The following LRRN3 variants were observed in gnomAD, a reference collection of about 807,000 sequenced individuals.
LRRN3 encodes the protein leucine rich repeat neuronal 3.
LRRN3 carries 15 observed loss-of-function variants against 40.1 expected under a neutral mutation model. The ratio of observed to expected loss-of-function variants is 0.37; its 90% CI spans 0.25 to 0.58. The LOEUF (loss-of-function observed/expected upper bound fraction) is 0.58. Ranked by LOEUF, LRRN3 falls within the 20% of genes least tolerant of loss-of-function variation. The pLI is 0.72. For missense variants in LRRN3, 746 were observed against 837.7 expected (o/e 0.89, Z 1.35); for synonymous variants, 308 against 297.2 (o/e 1.04, Z -0.37).
At chr7:111,113,386 C>T (rs764492285) in intron 2 of LRRN3, among the ~76,000 whole-genome samples, 7 of 149,154 alleles carry the variant, frequency 4.7e-5, no homozygotes, top group Middle Eastern at 3.4e-3. Context: ...ATAGAATAGT[C>T]TTTTTTTTTT....
At chr7:111,110,949 A>C (rs1799122448) in intron 2 of LRRN3, among the ~76,000 whole-genome samples, 1 of 152,182 alleles carries the variant, frequency 6.6e-6, no homozygotes, top group South Asian at 2.1e-4. Context: ...TATCCATAAA[A>C]ATGTATTAAA....
intron 2 of LRRN3, among the ~76,000 whole-genome samples, chr7:111,117,737 A>G (rs193170496): frequency 3.3e-5 from 5 of 152,234 alleles, no homozygotes; most frequent in Non-Finnish European, 7.4e-5. Flanking sequence ...AATAGAATTT[A>G]AGTTCTTTAT....
chr7:111,108,963 C>T (rs567692723), intron 2 of LRRN3, among the ~76,000 whole-genome samples: 14 of 152,038 alleles, frequency 9.2e-5, no homozygotes, highest in Non-Finnish European at 1.2e-4. Flanking sequence ...CTGAATAAAA[C>T]GGAAACAACT....
chr7:111,124,390 T>A lies in LRRN3; in HGVS notation c.1618T>A (p.Ser540Thr), dbSNP rs1801032926. Residue 540 changes from serine (S) to threonine (T), a missense_variant, in exon 3 of 3, where the codon TCC becomes ACC. Coordinates refer to ENST00000308478, the MANE Select transcript of LRRN3 (RefSeq NM_001099658.2). Reference protein sequence around the residue: ...RDIQANSVLVSWKASSKILKS... With the variant: ...RDIQANSVLVTWKASSKILKS... The stretch of plus-strand genomic sequence containing the variant: ...TATTCAGGCCAATTCAGTTTTGGTG[T>A]CCTGGAAAGCAAGTTCTAAAATTCT... The A allele has an allele frequency of 6.2e-7, 1 of 1,613,710 alleles. No homozygotes were observed. The highest frequency in any genetic ancestry group is 1.3e-5 in the African/African-American group (1 of 74,932).
At position 111,124,116 on chromosome 7, in the gene LRRN3, A is replaced by G. The variant is rs1800993443; in HGVS notation, c.1344A>G (p.Ala448=). The G allele has an allele frequency of 1.2e-6, 2 of 1,613,982 alleles. No homozygotes were observed. The highest frequency in any genetic ancestry group is 2.2e-5 in the East Asian group (1 of 44,888). The change falls in exon 3 of 3, where the codon GCA becomes GCG. Residue 448 remains alanine, a synonymous_variant. Transcript: ENST00000308478. ...SYVSFHCRAT[A]EPQPEIYWIT... ...TTTCCTTTCACTGTAGAGCTACTGC[A>G]GAACCACAGCCTGAAATCTACTGGA... is the stretch of plus-strand genomic sequence containing the variant.
chr7:111,124,464 T>G lies in LRRN3; in HGVS notation c.1692T>G (p.His564Gln). ...CCTTTGTCAAGACTGAAAATTCTCA[T>G]GCTGCGCAAAGTGCTCGAATACCAT... ...WTAFVKTENS[H>Q]AAQSARIPSD... The change falls in exon 3 of 3, where the codon CAT becomes CAG. Residue 564 changes from histidine to glutamine, a missense_variant. Physicochemically the swap from His to Gln is conservative, Grantham distance 24 (BLOSUM62 0). Coordinates refer to ENST00000308478, the MANE Select transcript of LRRN3 (RefSeq NM_001099658.2). The G allele has an allele frequency of 1.2e-6, 2 of 1,613,972 alleles. No homozygotes were observed. The highest frequency in any genetic ancestry group is 1.7e-6 in the Non-Finnish European group (2 of 1,179,994).
At chr7:111,113,879 A>G (rs1799531633) in intron 2 of LRRN3, among the ~76,000 whole-genome samples, 2 of 152,178 alleles carry the variant, frequency 1.3e-5, no homozygotes, top group Non-Finnish European at 2.9e-5. Context: ...AACTGGAACT[A>G]AATCATAAGA....
chr7:111,104,503 A>G (rs117377967), intron 2 of LRRN3, among the ~76,000 whole-genome samples: 1 of 151,962 alleles, frequency 6.6e-6, no homozygotes, highest in East Asian at 1.9e-4. Flanking sequence ...TGAAGCTGAT[A>G]TCAATTTTTT....
chr7:111,117,768 AT>A (rs1215436171), intron 2 of LRRN3, among the ~76,000 whole-genome samples: 2 of 152,028 alleles, frequency 1.3e-5, no homozygotes, highest in Non-Finnish European at 2.9e-5. Flanking sequence ...TTAGCCAGCA[AT>A]TTGCTATAGA....
chr7:111,094,918 A>G (rs1037294823), intron 1 of LRRN3, among the ~76,000 whole-genome samples: 3 of 152,086 alleles, frequency 2.0e-5, no homozygotes, highest in African/African-American at 4.8e-5. Flanking sequence ...AATAGATGCT[A>G]TTTAGAGGTC....
In LRRN3 at chr7:111,124,146, A is replaced by C. The variant is rs1365442930; in HGVS notation, c.1374A>C (p.Thr458=). Residue 458 remains threonine (T), a synonymous_variant, in exon 3 of 3, where the codon ACA becomes ACC. Coordinates refer to ENST00000308478, the MANE Select transcript of LRRN3 (RefSeq NM_001099658.2). ...CACAGCCTGAAATCTACTGGATAAC[A>C]CCTTCTGGTCAAAAACTCTTGCCTA... ...AEPQPEIYWI[T]PSGQKLLPNT... 3.1e-6 allele frequency: 5 copies of C among 1,613,828 alleles called. No homozygotes were observed. In the Admixed American group the frequency reaches 8.3e-5, roughly 27 times the overall value.
chr7:111,118,754 A>G (rs1269186893), intron 2 of LRRN3, among the ~76,000 whole-genome samples: 1 of 152,128 alleles, frequency 6.6e-6, no homozygotes, highest in Admixed American at 6.6e-5. Flanking sequence ...CACAGACTTA[A>G]GAAAAAGTCA....
intron 2 of LRRN3, among the ~76,000 whole-genome samples, chr7:111,101,091 C>T (rs1427909242): frequency 6.6e-6 from 1 of 151,518 alleles, no homozygotes; most frequent in African/African-American, 2.4e-5. Context: ...ATCGAATTCT[C>T]AACCCCATTT....
chr7:111,116,303 GC>G (rs1390005978), intron 2 of LRRN3, among the ~76,000 whole-genome samples: 1 of 151,974 alleles, frequency 6.6e-6, no homozygotes, highest in Admixed American at 6.6e-5. Flanking sequence ...AAATAAAATT[GC>G]CCCTCCTTTT....
chr7:111,109,805 A>C (rs1798981019), intron 2 of LRRN3, among the ~76,000 whole-genome samples: 1 of 152,158 alleles, frequency 6.6e-6, no homozygotes, highest in Non-Finnish European at 1.5e-5. Flanking sequence ...CTATTGTTAT[A>C]TGATGGAAAA....
chr7:111,112,431 T>C (rs1187481717), intron 2 of LRRN3, among the ~76,000 whole-genome samples: 1 of 152,142 alleles, frequency 6.6e-6, no homozygotes, highest in Non-Finnish European at 1.5e-5. Context: ...AACACGAGTG[T>C]TAGGGAAAGA....
intron 2 of LRRN3, among the ~76,000 whole-genome samples, chr7:111,113,397 G>C (rs1483715368): frequency 6.7e-6 from 1 of 148,944 alleles, no homozygotes; most frequent in East Asian, 2.0e-4. Context: ...TTTTTTTTTT[G>C]TATACATGTC....
intron 2 of LRRN3, among the ~76,000 whole-genome samples, chr7:111,102,778 A>G (rs188829327): frequency 6.6e-6 from 1 of 151,642 alleles, no homozygotes; most frequent in African/African-American, 2.4e-5. Context: ...CAAATTTAAA[A>G]AGCTCCGAAA....
rs998590630 is a variant in LRRN3 at position 111,122,520 on chromosome 7, A to G, written c.-253A>G. ...TCCTATGACCATCTATACATACTCC[A>G]CCTTCAAAAAGTACATCAATATTAT... On this transcript the variant is annotated 5_prime_UTR_variant, in exon 3 of 3. Coordinates refer to ENST00000308478, the MANE Select transcript of LRRN3 (RefSeq NM_001099658.2). 1 of 453,018 alleles carries G rather than the reference A, an allele frequency of 2.2e-6. No homozygotes were observed. The highest frequency in any genetic ancestry group is 2.0e-5 in the African/African-American group (1 of 50,636). 28.1% of individuals were successfully genotyped at this position (453,018 alleles called of 1,614,324 possible). A position where few individuals can be genotyped will look rare whatever the true frequency, so the allele number is the denominator to read the frequency against.
Sources: allele counts gnomAD v4.1 joint callset (sites outside exome capture counted in the v4.1 genomes callset), GRCh38; gene constraint gnomAD v4.1.1; transcripts MANE v1.5; gene names NCBI Gene and HGNC (gene_info 2026-07-23, HGNC 2026-07-21).